Variants in CCDC180 observed in about 807,000 individuals in gnomAD.
CCDC180 encodes coiled-coil domain containing 180.
CCDC180 carries 154 observed loss-of-function variants against 209.2 expected under a neutral mutation model. The observed-to-expected ratio is 0.74, with a 90% CI of 0.65 to 0.84. The LOEUF (loss-of-function observed/expected upper bound fraction) is 0.84, where lower values mean the gene tolerates loss of function less well. CCDC180 is among the 40% of genes least tolerant of loss of function. The pLI is 0.00. For synonymous variants in CCDC180, 778 were observed against 749.1 expected, an observed-to-expected ratio of 1.04 and a Z score of -0.63; for missense variants, 1,874 against 1,997.3, an observed-to-expected ratio of 0.94 and a Z score of 1.18.
intron 36 of CCDC180, 60 bp downstream of exon 36, chr9:97,375,649 A>G (rs1466460510): frequency 1.1e-5 from 18 of 1,605,274 alleles, no homozygotes; most frequent in Admixed American, 6.7e-5. Flanking sequence ...CTGCCTTGGG[A>G]AGGGGGAGCT....
At chr9:97,323,992 C>T (rs1445271823) in intron 13 of CCDC180, 89 bp downstream of exon 13, 53 of 1,447,892 alleles carry the variant, frequency 3.7e-5, no homozygotes, top group Non-Finnish European at 4.6e-5. Context: ...CCAAGAACTC[C>T]AACTTGCATG....
intron 14 of CCDC180, 140 bp downstream of exon 14, chr9:97,325,332 A>G: frequency 1.2e-6 from 1 of 801,420 alleles, no homozygotes; most frequent in Non-Finnish European, 1.9e-6. Context: ...TCATGGGATC[A>G]GATGGGAGTA....
Position 97,353,633 on chromosome 9 carries a change from G to A in CCDC180, c.3003-936G>A, listed in dbSNP as rs548455020. On this transcript the variant is annotated intron_variant, in intron 22 of 36. Transcript: ENST00000529487. ...TATTTGTTTCTGCTGGGTAACCAGG[G>A]AGCACTACCTACCCAGGACCAATTA... Among the ~76,000 whole-genome samples, 5 of 152,306 alleles carry A rather than the reference G, an allele frequency of 3.3e-5. No individual in the cohort carries two copies. In the East Asian group the frequency reaches 9.7e-4, roughly 29 times the overall value.
In CCDC180 at chr9:97,343,424, G is replaced by A; in HGVS notation, c.2359G>A (p.Val787Ile). 1 of 1,613,908 alleles carries A rather than the reference G, an allele frequency of 6.2e-7. No homozygotes were observed. The highest frequency in any genetic ancestry group is 8.5e-7 in the Non-Finnish European group (1 of 1,179,802). Residue 787 changes from valine (V) to isoleucine (I), a missense_variant, in exon 19 of 37, where the codon GTC becomes ATC. Coordinates refer to ENST00000529487, the MANE Select transcript of CCDC180 (RefSeq NM_020893.6). The stretch of plus-strand genomic sequence containing the variant: ...AATCTCCAGTGGAAACACTTATTTT[G>A]TCTTTGTACCCCTGGAAGAAGAGCA... The part of the protein sequence containing the change: ...FTISSGNTYF[V>I]FVPLEEEHCR...
At chr9:97,313,449 A>AG (rs1833057951) in intron 5 of CCDC180, 104 bp downstream of exon 5, 1 of 729,624 alleles carries the variant, frequency 1.4e-6, no homozygotes, top group East Asian at 3.0e-5. Flanking sequence ...AGAGGTCCTC[A>AG]GGGGCTCACA....
upstream of CCDC180, chr9:97,307,446 G>A (rs1832828734): frequency 6.8e-6 from 4 of 589,472 alleles, no homozygotes; most frequent in Middle Eastern, 2.6e-4. Flanking sequence ...CAGGGGGACG[G>A]CCAGGGGCTG....
intron 35 of CCDC180, among the ~76,000 whole-genome samples, 197 bp from the exon 36 acceptor site, chr9:97,375,257 T>A (rs951064374): frequency 6.6e-6 from 1 of 152,104 alleles, no homozygotes; most frequent in African/African-American, 2.4e-5. Flanking sequence ...TGCACAGCAA[T>A]GAGACCAGTG....
chr9:97,362,278 C>G lies in CCDC180; in HGVS notation c.3739C>G (p.Arg1247Gly), dbSNP rs115326222. ...TGRGAWACGS[R>G]GSSEAGAGGA... Reference sequence around the variant, plus strand: ...TAGAGGCGCATGGGCCTGTGGGTCTCGGGGCAGCAGTGAGGCAGGGGCTGG... The same window carrying G: ...TAGAGGCGCATGGGCCTGTGGGTCTGGGGGCAGCAGTGAGGCAGGGGCTGG... The change falls in exon 28 of 37, where the codon CGG becomes GGG. Residue 1247 changes from arginine to glycine, a missense_variant. Coordinates refer to ENST00000529487, the MANE Select transcript of CCDC180 (RefSeq NM_020893.6). The G allele has an allele frequency of 3.7e-6, 6 of 1,614,070 alleles. No homozygotes were observed. Among genetic ancestry groups the G allele is most frequent in the Non-Finnish European group, 5.1e-6 (6 of 1,180,040 alleles).
intron 11 of CCDC180, among the ~76,000 whole-genome samples, chr9:97,320,761 G>T (rs1286019600): frequency 6.6e-6 from 1 of 152,226 alleles, no homozygotes; most frequent in East Asian, 1.9e-4. Flanking sequence ...GCTGTAGCGT[G>T]TGTGCTGACT....
At chr9:97,313,470 C>T (rs569865450) in intron 5 of CCDC180, 125 bp downstream of exon 5, 64 of 608,732 alleles carry the variant, frequency 1.1e-4, no homozygotes, top group African/African-American at 4.3e-4. Context: ...GAGCCTTAGA[C>T]GACATGGAAC....
At chr9:97,325,721 G>T (rs2118642386) in intron 14 of CCDC180, among the ~76,000 whole-genome samples, 1 of 152,332 alleles carries the variant, frequency 6.6e-6, no homozygotes, top group South Asian at 2.1e-4. Context: ...CATCTGTGAT[G>T]GCACATAGGT....
rs1282776259 is a variant in CCDC180 at position 97,318,593 on chromosome 9, G to T, written c.1079+11G>T. The stretch of plus-strand genomic sequence containing the variant: ...TCTCTGCACCATCTGGTATGGGCAG[G>T]AGGGGCGGCCCAGGAGGGGTGCTTC... On this transcript the variant is annotated intron_variant, in intron 10 of 36. Coordinates refer to ENST00000529487, the MANE Select transcript of CCDC180 (RefSeq NM_020893.6). 6.2e-7 allele frequency: 1 copy of T among 1,610,994 alleles called. No individual in the cohort carries two copies. Among genetic ancestry groups the T allele is most frequent in the African/African-American group, 1.3e-5 (1 of 74,896 alleles).
intron 14 of CCDC180, among the ~76,000 whole-genome samples, chr9:97,326,152 C>T (rs1316468224): frequency 6.6e-6 from 1 of 152,190 alleles, no homozygotes; most frequent in Admixed American, 6.5e-5. Flanking sequence ...TCAGCTGGCC[C>T]CTGCCTTGCC....
Position 97,361,899 on chromosome 9 carries a change from G to A in CCDC180, c.3656+1G>A, listed in dbSNP as rs781339647. ...TGGATGTGATCAGGAAGCTCCTGCA[G>A]TGAGTGGCCCCAGGGTGCACCTAAG... is the stretch of plus-strand genomic sequence containing the variant. On this transcript the variant is annotated splice_donor_variant, in intron 27 of 36. Coordinates refer to ENST00000529487, the MANE Select transcript of CCDC180 (RefSeq NM_020893.6). LOFTEE classifies it high-confidence loss of function. 1.2e-6 allele frequency: 2 copies of A among 1,613,724 alleles called. No homozygotes were observed. Among genetic ancestry groups the A allele is most frequent in the Non-Finnish European group, 1.7e-6 (2 of 1,179,890 alleles).
intron 24 of CCDC180, among the ~76,000 whole-genome samples, chr9:97,356,450 A>G (rs1416368000): frequency 6.6e-6 from 1 of 152,216 alleles, no homozygotes; most frequent in Non-Finnish European, 1.5e-5. Context: ...ATATTATGGC[A>G]CCGATAAAGG....
intron 18 of CCDC180, among the ~76,000 whole-genome samples, chr9:97,333,856 T>C (rs1178634234): frequency 6.6e-6 from 1 of 151,966 alleles, no homozygotes; most frequent in Non-Finnish European, 1.5e-5. Flanking sequence ...AGTCTCACTC[T>C]GTCACTCAGG....
At position 97,366,723 on chromosome 9, in the gene CCDC180, C is replaced by G; in HGVS notation, c.4189+23C>G. ...TAGGTGAGTATAGGCAGCAGGAAGG[C>G]ACGGGGAACAGGGCGGGGCGCGAAG... On this transcript the variant is annotated intron_variant, in intron 31 of 36. Transcript: ENST00000529487. This position sits in a 1 kb window ranked among gnomAD's most constrained non-coding sequence, Gnocchi z 4.3. 4 of 1,612,638 alleles carry G rather than the reference C, an allele frequency of 2.5e-6. No homozygotes were observed. The highest frequency in any genetic ancestry group is 3.4e-6 in the Non-Finnish European group (4 of 1,179,246).
At chr9:97,338,723 C>T (rs536697582) in intron 18 of CCDC180, among the ~76,000 whole-genome samples, 1 of 152,256 alleles carries the variant, frequency 6.6e-6, no homozygotes, top group South Asian at 2.1e-4. Flanking sequence ...TCCTTGTTAA[C>T]CTTCTGTCTT....
intron 29 of CCDC180, among the ~76,000 whole-genome samples, chr9:97,364,887 C>T (rs1448179731): frequency 1.3e-5 from 2 of 152,204 alleles, no homozygotes; most frequent in African/African-American, 4.8e-5. Context: ...AATCGAGGCA[C>T]TGCCCGGTAC....
Sources: gnomAD v4.1 joint callset for allele counts (sites outside exome capture counted in the v4.1 genomes callset) on GRCh38, gnomAD v4.1.1 for gene constraint, Gnocchi (gnomAD v3.1) non-coding constraint, MANE v1.5 for transcripts, NCBI Gene and HGNC (gene_info 2026-07-23, HGNC 2026-07-21) for gene names.